The following PCDH7 variants were observed in gnomAD, a reference collection of about 807,000 sequenced individuals.
PCDH7 encodes protocadherin-7.
A neutral mutation model predicts 58.9 loss-of-function variants in PCDH7; 17 were observed. The ratio of observed to expected loss-of-function variants is 0.29; its 90% confidence interval spans 0.20 to 0.43. The LOEUF is 0.43. PCDH7 is among the 20% of genes least tolerant of loss of function. PCDH7 has a pLI of 1.00. For synonymous variants in PCDH7, 664 were observed against 616.4 expected (o/e 1.08, Z -1.14); for missense variants, 1,274 against 1,441.0 (o/e 0.88, Z 1.88).
intron 1 of PCDH7, among the ~76,000 whole-genome samples, chr4:30,837,908 T>C (rs1730709748): frequency 6.7e-6 from 1 of 148,528 alleles, no homozygotes; most frequent in African/African-American, 2.4e-5. Context: ...TTTATATATA[T>C]ATATATATAA....
intron 3 of PCDH7, among the ~76,000 whole-genome samples, 175 bp from the exon 3 acceptor site, chr4:31,142,298 C>G (rs1463527148): frequency 6.6e-6 from 1 of 152,140 alleles, no homozygotes; most frequent in Non-Finnish European, 1.5e-5. Flanking sequence ...AAAACCTTAT[C>G]TTTGATGCAC....
chr4:30,978,060 C>G (rs1750233430), intron 3 of PCDH7, among the ~76,000 whole-genome samples: 1 of 152,198 alleles, frequency 6.6e-6, no homozygotes, highest in East Asian at 1.9e-4. Context: ...CTCAAAAGTT[C>G]ATTTAAATGT....
chr4:30,794,797 G>A (rs1031964481), intron 1 of PCDH7, among the ~76,000 whole-genome samples: 4 of 151,774 alleles, frequency 2.6e-5, no homozygotes, highest in African/African-American at 7.3e-5. Flanking sequence ...TGTAATTTGT[G>A]ATAAAAAAAT....
chr4:31,009,915 A>C (rs976254114), intron 3 of PCDH7, among the ~76,000 whole-genome samples: 1 of 152,008 alleles, frequency 6.6e-6, no homozygotes, highest in Non-Finnish European at 1.5e-5. Context: ...TTTTATTGAC[A>C]TAGGGCCAAA....
rs758613796 is a variant in PCDH7, at chr4:30,968,302, CTA to C, written c.*7+18100_*7+18101del. On this transcript the variant is annotated intron_variant, in intron 3 of 3. Transcript: ENST00000509759. ...GAAAAAAATTACTCTCTCTCTCTCT[CTA>C]TATATATATATACACTATATATATA... is the stretch of plus-strand genomic sequence containing the variant. Among the ~76,000 whole-genome samples, 266 of 80,284 alleles carry C rather than the reference CTA, an allele frequency of 3.3e-3. 4 individuals are homozygous for C. Among genetic ancestry groups the C allele is most frequent in the East Asian group, 9.0e-3 (35 of 3,898 alleles). The allele number at this position is 80,284 out of a possible 152,430, so 52.7% of individuals were successfully genotyped here.
chr4:31,112,480 AT>A (rs1376339679), intron 3 of PCDH7, among the ~76,000 whole-genome samples: 2 of 152,180 alleles, frequency 1.3e-5, no homozygotes, highest in African/African-American at 2.4e-5. Flanking sequence ...AGCTATTTTA[AT>A]CTCTACTTAA....
chr4:30,849,204 A>G (rs533200635), intron 1 of PCDH7, among the ~76,000 whole-genome samples: 102 of 152,230 alleles, frequency 6.7e-4, no homozygotes, highest in African/African-American at 2.4e-3. Flanking sequence ...TTTGGTAGTC[A>G]TGGGCTTGTG....
intron 1 of PCDH7, among the ~76,000 whole-genome samples, chr4:30,739,275 C>T (rs901860281): frequency 6.6e-6 from 1 of 150,462 alleles, no homozygotes; most frequent in Non-Finnish European, 1.5e-5. Flanking sequence ...TTCCTTTGGT[C>T]AGCATTTCTA....
At chr4:31,079,348 A>G in intron 3 of PCDH7, among the ~76,000 whole-genome samples, 1 of 93,164 alleles carries the variant, frequency 1.1e-5, no homozygotes, top group Non-Finnish European at 2.2e-5. Flanking sequence ...ATATATATAT[A>G]TATATATATA....
intron 3 of PCDH7, among the ~76,000 whole-genome samples, chr4:31,011,211 A>G (rs1438045095): frequency 6.6e-6 from 1 of 152,016 alleles, no homozygotes; most frequent in Non-Finnish European, 1.5e-5. Context: ...GATCATTCAT[A>G]AAAGAAATTA....
intron 3 of PCDH7, among the ~76,000 whole-genome samples, chr4:30,971,038 A>C (rs141148878): frequency 0.013 from 2,031 of 152,316 alleles, 47 homozygotes; most frequent in African/African-American, 0.046. Context: ...AGCCAAATAC[A>C]GAATCATCTA....
intron 3 of PCDH7, among the ~76,000 whole-genome samples, chr4:31,040,115 T>C (rs1221645213): frequency 6.6e-6 from 1 of 152,208 alleles, no homozygotes; most frequent in Non-Finnish European, 1.5e-5. Flanking sequence ...TACATTCAGT[T>C]AAATGCACAG....
At chr4:30,843,320 G>A (rs986676434) in intron 1 of PCDH7, among the ~76,000 whole-genome samples, 2 of 152,162 alleles carry the variant, frequency 1.3e-5, no homozygotes, top group African/African-American at 4.8e-5. Flanking sequence ...TCCTGCCTCT[G>A]CCGCTGGAGT....
chr4:30,787,394 A>G (rs989509470), intron 1 of PCDH7, among the ~76,000 whole-genome samples: 1 of 152,124 alleles, frequency 6.6e-6, no homozygotes, highest in African/African-American at 2.4e-5. Context: ...ACTATTGCCA[A>G]TCAGGGAAAG....
At chr4:30,903,595 G>C (rs1560486032) in intron 1 of PCDH7, among the ~76,000 whole-genome samples, 4 of 151,966 alleles carry the variant, frequency 2.6e-5, no homozygotes. Context: ...GATCTTCATT[G>C]CATCTTTAAA....
intron 1 of PCDH7, among the ~76,000 whole-genome samples, chr4:30,802,954 G>C (rs898024272): frequency 2.0e-5 from 3 of 152,124 alleles, no homozygotes; most frequent in Admixed American, 2.0e-4. Context: ...TTGGTAATGG[G>C]ATTGGCAAGG....
intron 3 of PCDH7, among the ~76,000 whole-genome samples, chr4:30,969,489 A>T (rs1749360420): frequency 6.6e-6 from 1 of 152,196 alleles, no homozygotes; most frequent in Admixed American, 6.5e-5. Flanking sequence ...GGTTCCTATA[A>T]CTATTCAGAG....
intron 1 of PCDH7, among the ~76,000 whole-genome samples, chr4:30,897,408 A>G (rs907506417): frequency 6.6e-6 from 1 of 152,298 alleles, no homozygotes; most frequent in Non-Finnish European, 1.5e-5. Flanking sequence ...TTCCACATTC[A>G]TGCCAAAGTG....
At chr4:30,962,615 C>G (rs536594655) in intron 3 of PCDH7, among the ~76,000 whole-genome samples, 169 of 151,534 alleles carry the variant, frequency 1.1e-3, no homozygotes, top group Admixed American at 1.8e-3. Context: ...AAGGAGACTC[C>G]ATCTCTACAA....
Sources: gnomAD v4.1 joint callset for allele counts (sites outside exome capture counted in the v4.1 genomes callset) on GRCh38, gnomAD v4.1.1 for gene constraint, MANE v1.5 for transcripts, NCBI Gene and HGNC (gene_info 2026-07-23, HGNC 2026-07-21) for gene names.